Variants in ATP8B4 observed in about 807,000 individuals in gnomAD.
ATP8B4 encodes the protein probable phospholipid-transporting ATPase IM.
ATP8B4 carries 133 observed loss-of-function variants against 145.6 expected under a neutral mutation model. The ratio of observed to expected loss-of-function variants is 0.91; its 90% confidence interval spans 0.79 to 1.05. ATP8B4 has a LOEUF of 1.05. Ranked by LOEUF, ATP8B4 falls within the 50% of genes least tolerant of loss-of-function variation. The pLI is 0.00. For synonymous variants in ATP8B4, 507 were observed against 492.9 expected, an observed-to-expected ratio of 1.03 and a Z score of -0.38; for missense variants, 1,458 against 1,425.2, an observed-to-expected ratio of 1.02 and a Z score of -0.37.
At chr15:50,059,839 G>A (rs2052876292) in intron 3 of ATP8B4, among the ~76,000 whole-genome samples, 1 of 152,190 alleles carries the variant, frequency 6.6e-6, no homozygotes, top group Non-Finnish European at 1.5e-5. Context: ...GTGACCAGGG[G>A]TGCTATCAAT....
chr15:50,017,344 A>T (rs1031919994), intron 6 of ATP8B4, among the ~76,000 whole-genome samples: 3 of 152,242 alleles, frequency 2.0e-5, no homozygotes, highest in African/African-American at 7.2e-5. Flanking sequence ...TTCTTATATG[A>T]AGAACATATT....
chr15:49,945,837 C>T (rs1201883364), intron 14 of ATP8B4, among the ~76,000 whole-genome samples: 1 of 152,032 alleles, frequency 6.6e-6, no homozygotes, highest in East Asian at 1.9e-4. Context: ...AAAGAAACAG[C>T]AGAAAAATAC....
intron 1 of ATP8B4, among the ~76,000 whole-genome samples, chr15:50,111,579 G>A (rs998232587): frequency 1.2e-4 from 19 of 152,106 alleles, no homozygotes; most frequent in African/African-American, 2.9e-4. Context: ...GGAGCTGTTC[G>A]GGGGGATGGG....
intron 1 of ATP8B4, among the ~76,000 whole-genome samples, chr15:50,107,546 T>C (rs2056746163): frequency 6.6e-6 from 1 of 152,210 alleles, no homozygotes; most frequent in African/African-American, 2.4e-5. Context: ...ATTTCATTTT[T>C]TCCCTACATG....
chr15:49,948,710 A>C (rs2042797189), intron 14 of ATP8B4, among the ~76,000 whole-genome samples: 1 of 152,158 alleles, frequency 6.6e-6, no homozygotes, highest in South Asian at 2.1e-4. Context: ...CCTTTGTCAG[A>C]TGGGTAGATT....
chr15:49,931,598 C>T (rs1217413416), intron 15 of ATP8B4, among the ~76,000 whole-genome samples: 3 of 151,988 alleles, frequency 2.0e-5, no homozygotes, highest in Non-Finnish European at 4.4e-5. Flanking sequence ...GAGATCAAAC[C>T]TTTGTATTTT....
Position 49,859,731 on chromosome 15 carries a change from A to C in ATP8B4, c.*463T>G, listed in dbSNP as rs2031283421. 6.4e-6 allele frequency: 1 copy of C among 157,180 alleles called. No individual in the cohort carries two copies. The highest frequency in any genetic ancestry group is 1.4e-5 in the Non-Finnish European group (1 of 71,124). 9.7% of individuals were successfully genotyped at this position (157,180 alleles called of 1,614,324 possible). On this transcript the variant is annotated 3_prime_UTR_variant, in exon 28 of 28. Coordinates refer to ENST00000284509, the MANE Select transcript of ATP8B4 (RefSeq NM_024837.4). The stretch of plus-strand genomic sequence containing the variant: ...TGAAAGCAACACAGTACACGCTTTA[A>C]ATTTTAAAAGTATACCTTGGGAAAG...
intron 1 of ATP8B4, among the ~76,000 whole-genome samples, chr15:50,127,741 T>C (rs1422708478): frequency 2.0e-5 from 3 of 152,210 alleles, no homozygotes; most frequent in Admixed American, 6.5e-5. Flanking sequence ...AAGCATCGGA[T>C]GGCAGGAGGG....
intron 23 of ATP8B4, chr15:49,880,284 A>C (rs1392416940): frequency 1.3e-5 from 2 of 152,226 alleles, no homozygotes; most frequent in Non-Finnish European, 2.9e-5. Context: ...TAAGACCTGA[A>C]GGAAATGGAT....
intron 23 of ATP8B4, among the ~76,000 whole-genome samples, chr15:49,893,318 C>A (rs183291500): frequency 6.6e-6 from 1 of 152,214 alleles, no homozygotes; most frequent in Non-Finnish European, 1.5e-5. Flanking sequence ...ATAGAATTTA[C>A]TGGACAGTAG....
intron 8 of ATP8B4, among the ~76,000 whole-genome samples, chr15:50,001,677 G>A (rs2047904882): frequency 6.6e-6 from 1 of 152,162 alleles, no homozygotes; most frequent in African/African-American, 2.4e-5. Flanking sequence ...ACTGCTATAT[G>A]GTCTATAACT....
rs562093093 is a variant in ATP8B4 at position 50,068,299 on chromosome 15, G to T, written c.87+5828C>A. 4.5e-4 allele frequency among the ~76,000 whole-genome samples: 69 copies of T among 152,262 alleles called. No homozygotes were observed. In the South Asian group the frequency reaches 6.0e-3, roughly 13 times the overall value. ...ATTGTAGCACTGACTGCTGGGGGTT[G>T]GAGGTACTCAACCACATTGTTGCAC... On this transcript the variant is annotated intron_variant, in intron 3 of 27. Coordinates refer to ENST00000284509, the MANE Select transcript of ATP8B4 (RefSeq NM_024837.4).
intron 6 of ATP8B4, among the ~76,000 whole-genome samples, chr15:50,027,495 A>G (rs2050101785): frequency 6.6e-6 from 1 of 152,168 alleles, no homozygotes; most frequent in African/African-American, 2.4e-5. Context: ...ATGCTGATTG[A>G]CACTGAGCCA....
At chr15:49,927,761 T>C (rs573075010) in intron 16 of ATP8B4, among the ~76,000 whole-genome samples, 7 of 152,228 alleles carry the variant, frequency 4.6e-5, no homozygotes, top group Admixed American at 1.3e-4. Context: ...ACACCTTCCC[T>C]GAGGCTGTAA....
chr15:50,158,250 T>C lies in ATP8B4; in HGVS notation c.-43+24011A>G, dbSNP rs867638214. Among the ~76,000 whole-genome samples, 333 of 142,932 alleles carry C rather than the reference T, an allele frequency of 2.3e-3. 3 individuals are homozygous for C. Among genetic ancestry groups the C allele is most frequent in the African/African-American group, 8.4e-3 (317 of 37,898 alleles). The allele number at this position is 142,932 out of a possible 152,430, so 93.8% of individuals were successfully genotyped here. On this transcript the variant is annotated intron_variant, in intron 1 of 3. Coordinates refer to the ATP8B4 transcript ENST00000558829. Reference sequence around the variant, plus strand: ...GATGTGAGGAGCCCCTCTGCCCGGCTGCCCAGTCTGGGAAGTGAGGAGCGC... The same window carrying C: ...GATGTGAGGAGCCCCTCTGCCCGGCCGCCCAGTCTGGGAAGTGAGGAGCGC...
chr15:50,012,162 G>A (rs1423682075), intron 6 of ATP8B4, among the ~76,000 whole-genome samples: 1 of 152,080 alleles, frequency 6.6e-6, no homozygotes, highest in Non-Finnish European at 1.5e-5. Context: ...GAAGAACCTA[G>A]GAAGCCTTCT....
At chr15:49,987,253 A>G in intron 10 of ATP8B4, 138 bp downstream of exon 10, 2 of 1,071,902 alleles carry the variant, frequency 1.9e-6, no homozygotes, top group Non-Finnish European at 2.6e-6. Flanking sequence ...GCATCCTACA[A>G]TCTTAAGTCA....
chr15:49,966,008 G>A (rs988357459), intron 13 of ATP8B4, among the ~76,000 whole-genome samples: 5 of 152,162 alleles, frequency 3.3e-5, no homozygotes, highest in African/African-American at 1.2e-4. Context: ...CACCGGGGAA[G>A]TGCAAGGAGT....
chr15:49,956,227 A>G (rs1320034705), intron 14 of ATP8B4, among the ~76,000 whole-genome samples: 1 of 152,152 alleles, frequency 6.6e-6, no homozygotes, highest in Non-Finnish European at 1.5e-5. Context: ...TAGAGATTGT[A>G]GAATAATATT....
Sources: gnomAD v4.1 joint callset for allele counts (sites outside exome capture counted in the v4.1 genomes callset) on GRCh38, gnomAD v4.1.1 for gene constraint, MANE v1.5 for transcripts, NCBI Gene and HGNC (gene_info 2026-07-23, HGNC 2026-07-21) for gene names.